The following ABHD17C variants were observed in gnomAD, a reference collection of about 807,000 sequenced individuals.
The protein encoded by ABHD17C is alpha/beta hydrolase domain-containing protein 17C.
ABHD17C carries 11 observed loss-of-function variants against 27.9 expected under a neutral mutation model. The observed-to-expected ratio is 0.39, with a 90% CI of 0.25 to 0.65. The LOEUF is 0.65. ABHD17C is among the 30% of genes least tolerant of loss of function. ABHD17C has a pLI of 0.45. For synonymous variants in ABHD17C, 233 were observed against 209.1 expected, an observed-to-expected ratio of 1.11 and a Z score of -0.98; for missense variants, 280 against 470.2, an observed-to-expected ratio of 0.60 and a Z score of 3.74.
At chr15:80,742,558 A>G (rs552866373) in intron 1 of ABHD17C, among the ~76,000 whole-genome samples, 2 of 152,336 alleles carry the variant, frequency 1.3e-5, no homozygotes, top group African/African-American at 4.8e-5. Flanking sequence ...AGTCTCTTCC[A>G]GAAGCACCCT....
At chr15:80,706,969 G>A (rs1249190648) in intron 1 of ABHD17C, among the ~76,000 whole-genome samples, 1 of 152,150 alleles carries the variant, frequency 6.6e-6, no homozygotes, top group Non-Finnish European at 1.5e-5. Flanking sequence ...TAATCACTTT[G>A]AAGCATGTTT....
chr15:80,718,627 G>C (rs1379059665), intron 1 of ABHD17C, among the ~76,000 whole-genome samples: 2 of 152,066 alleles, frequency 1.3e-5, no homozygotes, highest in African/African-American at 4.8e-5. Context: ...AGCCACCCAT[G>C]CCCAGCCGCT....
At chr15:80,726,468 C>CCTTCT in intron 1 of ABHD17C, among the ~76,000 whole-genome samples, 1 of 147,878 alleles carries the variant, frequency 6.8e-6, no homozygotes, top group African/African-American at 2.5e-5. Context: ...CAAGGATTTT[C>CCTTCT]CCTTCTCCCT....
chr15:80,727,083 T>G (rs1370867594), intron 1 of ABHD17C, among the ~76,000 whole-genome samples: 1 of 152,210 alleles, frequency 6.6e-6, no homozygotes, highest in Non-Finnish European at 1.5e-5. Context: ...TAACTTAAAG[T>G]ACAAAAAGAA....
intron 1 of ABHD17C, among the ~76,000 whole-genome samples, chr15:80,705,540 G>C (rs1267049232): frequency 1.3e-5 from 2 of 152,126 alleles, no homozygotes; most frequent in Non-Finnish European, 2.9e-5. Flanking sequence ...TTTCCACATA[G>C]TAAGAGGATG....
intron 1 of ABHD17C, among the ~76,000 whole-genome samples, chr15:80,719,346 G>C (rs912680160): frequency 5.9e-5 from 9 of 152,174 alleles, no homozygotes; most frequent in Admixed American, 1.3e-4. Flanking sequence ...TTCATTGAGA[G>C]TGTTTGTAAT....
At chr15:80,741,864 C>G (rs1244695365) in intron 1 of ABHD17C, among the ~76,000 whole-genome samples, 1 of 152,146 alleles carries the variant, frequency 6.6e-6, no homozygotes, top group Non-Finnish European at 1.5e-5. Flanking sequence ...TACTTGAACA[C>G]AAGTCTACAA....
intron 1 of ABHD17C, among the ~76,000 whole-genome samples, chr15:80,729,067 C>T (rs1895021709): frequency 6.6e-6 from 1 of 152,176 alleles, no homozygotes; most frequent in African/African-American, 2.4e-5. Flanking sequence ...CTATAAGACC[C>T]ATGAGAGTAA....
chr15:80,712,086 C>T (rs1475983719), intron 1 of ABHD17C, among the ~76,000 whole-genome samples: 1 of 152,274 alleles, frequency 6.6e-6, no homozygotes, highest in East Asian at 1.9e-4. Flanking sequence ...CCCCATAGTT[C>T]TAAGATTATG....
At chr15:80,697,410 G>A (rs1002922270) in intron 1 of ABHD17C, among the ~76,000 whole-genome samples, 1 of 152,188 alleles carries the variant, frequency 6.6e-6, no homozygotes, top group African/African-American at 2.4e-5. Flanking sequence ...GTTGGCAAAG[G>A]TATTAAAAAT....
At position 80,714,969 on chromosome 15, in the gene ABHD17C, T is replaced by TA. The variant is rs1448760598; in HGVS notation, c.590+18957dup. On this transcript the variant is annotated intron_variant, in intron 1 of 2. Coordinates refer to ENST00000258884, the MANE Select transcript of ABHD17C (RefSeq NM_021214.2). ...GTGCTAGGTATAATCTTCTGCAGTA[T>TA]AAAAAAATACACAGCGTTAGCCAGG... Among the ~76,000 whole-genome samples, 3 of 152,272 alleles carry TA rather than the reference T, an allele frequency of 2.0e-5. No homozygotes were observed. The East Asian group carries it at 5.8e-4, about 29-fold the overall frequency.
intron 1 of ABHD17C, among the ~76,000 whole-genome samples, chr15:80,746,187 A>C (rs1895280398): frequency 6.6e-6 from 1 of 152,056 alleles, no homozygotes; most frequent in Non-Finnish European, 1.5e-5. Context: ...CCTTTTTACT[A>C]ATGAAGTTGA....
chr15:80,721,213 C>CTT (rs71455351), intron 1 of ABHD17C, among the ~76,000 whole-genome samples: 8,270 of 143,102 alleles, frequency 0.058, 532 homozygotes, highest in Admixed American at 0.2. Flanking sequence ...CATTTTTTGT[C>CTT]TTTTTTTTTT....
intron 1 of ABHD17C, among the ~76,000 whole-genome samples, chr15:80,724,358 C>T (rs1452869437): frequency 6.6e-6 from 1 of 152,044 alleles, no homozygotes; most frequent in East Asian, 1.9e-4. Flanking sequence ...AAAAAAACCC[C>T]TTATCATTTG....
At position 80,749,511 on chromosome 15, in the gene ABHD17C, A is replaced by C; in HGVS notation, c.591-2A>C. The C allele has an allele frequency of 6.2e-7, 1 of 1,612,870 alleles. No individual in the cohort carries two copies. The highest frequency in any genetic ancestry group is 8.5e-7 in the Non-Finnish European group (1 of 1,179,264). On this transcript the variant is annotated splice_acceptor_variant, in intron 1 of 2. Transcript: ENST00000258884. LOFTEE classifies it high-confidence loss of function. ...ATGGCATACAACCTCTGATTTCTCC[A>C]GGTATGGCGTGAGTCCCGAGAACAT...
intron 1 of ABHD17C, among the ~76,000 whole-genome samples, chr15:80,706,730 T>C (rs896816527): frequency 3.3e-5 from 5 of 152,192 alleles, no homozygotes; most frequent in African/African-American, 9.7e-5. Context: ...TGTGCAGTGA[T>C]GATTATATGG....
At chr15:80,708,732 C>T (rs1894684329) in intron 1 of ABHD17C, among the ~76,000 whole-genome samples, 2 of 152,278 alleles carry the variant, frequency 1.3e-5, no homozygotes, top group South Asian at 2.1e-4. Context: ...GTAATGGGTA[C>T]TCATCGGATA....
chr15:80,749,483 C>T (rs368610049), intron 1 of ABHD17C, 30 bp from the exon 2 acceptor site: 62 of 1,605,766 alleles, frequency 3.9e-5, no homozygotes, highest in Non-Finnish European at 5.0e-5. Context: ...CATACCTTAG[C>T]TAATGGCATA....
intron 2 of ABHD17C, among the ~76,000 whole-genome samples, chr15:80,753,617 C>T (rs1213984215): frequency 6.6e-6 from 1 of 152,164 alleles, no homozygotes; most frequent in Non-Finnish European, 1.5e-5. Flanking sequence ...TCTCAGCTCA[C>T]TGCAACCTCC....
Sources: allele counts gnomAD v4.1 joint callset (sites outside exome capture counted in the v4.1 genomes callset), GRCh38; gene constraint gnomAD v4.1.1; transcripts MANE v1.5; gene names NCBI Gene and HGNC (gene_info 2026-07-23, HGNC 2026-07-21).